Variants in CHD2 observed in about 807,000 individuals in gnomAD.
The protein encoded by CHD2 is chromodomain helicase DNA binding protein 2, also known as ATP-dependent chromatin remodeler CHD2.
CHD2 carries 28 observed loss-of-function variants against 243.9 expected under a neutral mutation model. The observed-to-expected ratio is 0.11, with a 90% CI of 0.09 to 0.16. The LOEUF (loss-of-function observed/expected upper bound fraction) is 0.16. Ranked by LOEUF, CHD2 falls within the 10% of genes least tolerant of loss-of-function variation. CHD2 has a pLI of 1.00. For synonymous variants in CHD2, 775 were observed against 779.0 expected (o/e 0.99, Z 0.09); for missense variants, 1,386 against 2,209.8 (o/e 0.63, Z 7.47).
Position 92,943,086 on chromosome 15 carries a change from G to A in CHD2, c.1052+18G>A. The A allele has an allele frequency of 6.3e-7, 1 of 1,579,702 alleles. No individual in the cohort carries two copies. The highest frequency in any genetic ancestry group is 8.7e-7 in the Non-Finnish European group (1 of 1,150,744). On this transcript the variant is annotated intron_variant, in intron 9 of 38. Coordinates refer to ENST00000394196, the MANE Select transcript of CHD2 (RefSeq NM_001271.4). ...AAACAATGGTATATTTTCCATCATG[G>A]ATTAAAGAAATGTATTTGCAGCCTG... is the stretch of plus-strand genomic sequence containing the variant.
intron 37 of CHD2, among the ~76,000 whole-genome samples, chr15:93,016,164 T>TATTCAGCTTTAAAAAGAAGGAA (rs2054457826): frequency 6.6e-6 from 1 of 152,244 alleles, no homozygotes; most frequent in Non-Finnish European, 1.5e-5. Context: ...AATCGAATAG[T>TATTCAGCTTTAAAAAGAAGGAA]ATTCAGCTTT....
intron 2 of CHD2, among the ~76,000 whole-genome samples, chr15:92,910,415 C>T (rs772056739): frequency 5.3e-5 from 8 of 151,866 alleles, no homozygotes; most frequent in African/African-American, 9.7e-5. Flanking sequence ...TTTTTTGAGA[C>T]GGAATCTCAC....
chr15:92,958,043 T>C (rs1213328896), intron 16 of CHD2, among the ~76,000 whole-genome samples: 1 of 152,232 alleles, frequency 6.6e-6, no homozygotes, highest in African/African-American at 2.4e-5. Context: ...TACCGGTTGA[T>C]GGACATTTGG....
At chr15:92,906,251 CTT>C (rs2052619489) in intron 2 of CHD2, among the ~76,000 whole-genome samples, 2 of 152,206 alleles carry the variant, frequency 1.3e-5, no homozygotes, top group Non-Finnish European at 2.9e-5. Context: ...ATTTCTCTCT[CTT>C]TCTCTCTCTC....
chr15:92,926,946 G>A (rs2053073465), intron 3 of CHD2, among the ~76,000 whole-genome samples: 1 of 151,140 alleles, frequency 6.6e-6, no homozygotes. Context: ...TTTGTCTTTA[G>A]TGGAAGCAGC....
intron 2 of CHD2, among the ~76,000 whole-genome samples, chr15:92,916,910 CTT>C (rs967602731): frequency 1.3e-5 from 2 of 152,188 alleles, no homozygotes; most frequent in African/African-American, 4.8e-5. Flanking sequence ...TACTAAGAGA[CTT>C]TAATTTCTGC....
Position 92,989,156 on chromosome 15 carries a change from C to T in CHD2, c.3414-2320C>T, listed in dbSNP as rs550052335. ...AAGTGATTCTCCTGCCTCAGCCTCCCGAGTAGCTGGGATTACAGGTGCCCA... is the reference window on the plus strand; with the variant it reads ...AAGTGATTCTCCTGCCTCAGCCTCCTGAGTAGCTGGGATTACAGGTGCCCA... On this transcript the variant is annotated intron_variant, in intron 26 of 38. Coordinates refer to ENST00000394196, the MANE Select transcript of CHD2 (RefSeq NM_001271.4). Among the ~76,000 whole-genome samples, 48 of 151,566 alleles carry T rather than the reference C, an allele frequency of 3.2e-4. 1 individual carries two copies. The highest frequency in any genetic ancestry group is 2.9e-3 in the Admixed American group (44 of 15,222).
chr15:92,904,330 G>A (rs2141702323), intron 2 of CHD2: 2 of 495,874 alleles, frequency 4.0e-6, no homozygotes, highest in Non-Finnish European at 5.2e-6. Flanking sequence ...GGCTGTGCGC[G>A]CGCCTGGTAA....
chr15:93,011,244 G>T (rs994946031), intron 35 of CHD2, among the ~76,000 whole-genome samples: 10 of 152,218 alleles, frequency 6.6e-5, no homozygotes, highest in African/African-American at 2.4e-4. Flanking sequence ...TAAGCCCTCG[G>T]AGAAACTGTT....
At chr15:92,964,795 C>G (rs1013208335) in intron 16 of CHD2, among the ~76,000 whole-genome samples, 2 of 152,080 alleles carry the variant, frequency 1.3e-5, no homozygotes, top group South Asian at 4.1e-4. Flanking sequence ...TTATAAAGAC[C>G]ATCATGTGCA....
In CHD2 at chr15:92,941,655, T is replaced by G. The variant is rs529140678; in HGVS notation, c.693-167T>G. Among the ~76,000 whole-genome samples the G allele has an allele frequency of 1.1e-3, 175 of 152,286 alleles. 1 individual carries two copies. The highest frequency in any genetic ancestry group is 4.1e-3 in the African/African-American group (171 of 41,576). ...GTTGTTTAGGAGCATTCATCAGCACTTTAGGAAAAAAAAGTAAGCTTTGAG... is the reference window on the plus strand; with the variant it reads ...GTTGTTTAGGAGCATTCATCAGCACGTTAGGAAAAAAAAGTAAGCTTTGAG... On this transcript the variant is annotated intron_variant, in intron 7 of 38. Transcript: ENST00000394196.
At chr15:92,908,334 T>C (rs901862927) in intron 2 of CHD2, among the ~76,000 whole-genome samples, 48 of 152,344 alleles carry the variant, frequency 3.2e-4, no homozygotes, top group African/African-American at 1.1e-3. Flanking sequence ...CATAGGACTA[T>C]ATATTTGTCT....
intron 2 of CHD2, among the ~76,000 whole-genome samples, chr15:92,914,817 TG>T (rs2052804106): frequency 6.6e-6 from 1 of 152,186 alleles, no homozygotes; most frequent in Non-Finnish European, 1.5e-5. Context: ...AGGTGCCCAT[TG>T]GGCATGGTGG....
intron 2 of CHD2, 50 bp downstream of exon 2, chr15:92,901,349 A>T (rs2052526556): frequency 9.3e-7 from 1 of 1,072,614 alleles, no homozygotes; most frequent in African/African-American, 1.6e-5. Context: ...TGGGGGAGAA[A>T]CCTCAGCTTA....
In CHD2 at chr15:92,996,989, A is replaced by T; in HGVS notation, c.3628A>T (p.Ile1210Phe). ...ACCAGGGAAAAGGAGAGGTCCAACA[A>T]TCAAGATATCCGGAGTTCAGGTTAA... ...KGPGKRRGPT[I>F]KISGVQVNVK... Residue 1210 changes from isoleucine to phenylalanine, a missense_variant, in exon 29 of 39, where the codon ATC becomes TTC. This residue lies in a region of CHD2 where 99 missense variants were observed against 176.9 expected (regional missense o/e 0.56). Coordinates refer to ENST00000394196, the MANE Select transcript of CHD2 (RefSeq NM_001271.4). 1 of 1,612,216 alleles carries T rather than the reference A, an allele frequency of 6.2e-7. No individual in the cohort carries two copies. Among genetic ancestry groups the T allele is most frequent in the Non-Finnish European group, 8.5e-7 (1 of 1,179,518 alleles).
intron 38 of CHD2, among the ~76,000 whole-genome samples, chr15:93,022,914 T>C (rs2054550041): frequency 6.6e-6 from 1 of 152,244 alleles, no homozygotes; most frequent in Non-Finnish European, 1.5e-5. Context: ...CACTGTTCTA[T>C]GCATTTTGTC....
At chr15:92,989,349 T>C (rs1039974592) in intron 26 of CHD2, among the ~76,000 whole-genome samples, 2 of 152,182 alleles carry the variant, frequency 1.3e-5, no homozygotes, top group Non-Finnish European at 2.9e-5. Context: ...TGGTTTTCTA[T>C]ATGTCCCGTA....
At chr15:92,930,038 C>T (rs985423271) in intron 5 of CHD2, among the ~76,000 whole-genome samples, 1 of 151,752 alleles carries the variant, frequency 6.6e-6, no homozygotes, top group Admixed American at 6.6e-5. Context: ...TTAATTTTGC[C>T]CTGCTAGAGC....
intron 36 of CHD2, among the ~76,000 whole-genome samples, chr15:93,014,313 C>G (rs896007158): frequency 6.6e-6 from 1 of 152,148 alleles, no homozygotes; most frequent in Non-Finnish European, 1.5e-5. Flanking sequence ...TTAGTTCCCA[C>G]TGGACAGTCG....
Sources: gnomAD v4.1 joint callset for allele counts (sites outside exome capture counted in the v4.1 genomes callset) on GRCh38, gnomAD v4.1.1 for gene constraint, gnomAD v4.1.1 regional missense constraint, MANE v1.5 for transcripts, NCBI Gene and HGNC (gene_info 2026-07-23, HGNC 2026-07-21) for gene names.